The following COL4A2 variants were observed in gnomAD, a reference collection of about 807,000 sequenced individuals.
The protein encoded by COL4A2 is collagen alpha-2(IV) chain.
A neutral mutation model predicts 200.2 loss-of-function variants in COL4A2; 99 were observed. The observed-to-expected ratio is 0.49, with a 90% CI of 0.42 to 0.58. COL4A2 has a LOEUF of 0.58. COL4A2 is among the 20% of genes least tolerant of loss of function. COL4A2 has a pLI of 0.00. For synonymous variants in COL4A2, 897 were observed against 900.6 expected (o/e 1.00, Z 0.07); for missense variants, 1,950 against 2,314.1 (o/e 0.84, Z 3.23).
Position 110,500,662 on chromosome 13 carries a change from C to A in COL4A2, c.3761-1006C>A, listed in dbSNP as rs543029164. ...GAACACTGACTTAGTGAATACTGAA[C>A]CATTGCTCCTAGGGGAAATACAAGG... On this transcript the variant is annotated intron_variant, in intron 40 of 47. Coordinates refer to ENST00000360467, the MANE Select transcript of COL4A2 (RefSeq NM_001846.4). Among the ~76,000 whole-genome samples, 15 of 152,336 alleles carry A rather than the reference C, an allele frequency of 9.8e-5. No homozygotes were observed. The South Asian group carries it at 2.7e-3, about 27-fold the overall frequency.
chr13:110,504,154 G>C lies in COL4A2; in HGVS notation c.4292G>C (p.Arg1431Pro). ...CTTCTTTGGTGGCTTGCAGGTTTCC[G>C]TGGGGCTCCAGGGAAAGCTGGGCCC... The part of the protein sequence containing the change: ...PQGPPGEPGF[R>P]GAPGKAGPQG... Residue 1431 changes from arginine (R) to proline (P), a missense_variant, in exon 45 of 48, where the codon CGT becomes CCT. Transcript: ENST00000360467. 6.2e-7 allele frequency: 1 copy of C among 1,614,088 alleles called. No homozygotes were observed. Among genetic ancestry groups the C allele is most frequent in the Non-Finnish European group, 8.5e-7 (1 of 1,179,964 alleles).
chr13:110,507,433 C>G (rs1462267215), intron 46 of COL4A2: 1 of 162,498 alleles, frequency 6.2e-6, no homozygotes, highest in Admixed American at 5.7e-5. Context: ...TTTCAGCAAT[C>G]CATGTGAAGA....
chr13:110,440,645 A>G (rs753172850), intron 16 of COL4A2, among the ~76,000 whole-genome samples: 3 of 152,198 alleles, frequency 2.0e-5, no homozygotes, highest in Non-Finnish European at 4.4e-5. Context: ...TGTATTATGA[A>G]TCTAGGTCAG....
rs1336692495 is a variant in COL4A2, at chr13:110,482,556, G to A, written c.2799G>A (p.Met933Ile). Residue 933 changes from methionine (M) to isoleucine (I), a missense_variant, in exon 32 of 48, where the codon ATG (methionine) becomes ATA (isoleucine). Met to Ile is a conservative substitution (Grantham distance 10, BLOSUM62 1). Coordinates refer to ENST00000360467, the MANE Select transcript of COL4A2 (RefSeq NM_001846.4). ...CTGGGATGGATGGTTTCCAAGGCATGCCTGGACTCAAAGGGAGACCCGGGT... is the reference window on the plus strand; with the variant it reads ...CTGGGATGGATGGTTTCCAAGGCATACCTGGACTCAAAGGGAGACCCGGGT... ...GSPGMDGFQG[M>I]PGLKGRPGFP... The A allele has an allele frequency of 1.9e-6, 3 of 1,614,214 alleles. No individual in the cohort carries two copies. Among genetic ancestry groups the A allele is most frequent in the Non-Finnish European group, 1.7e-6 (2 of 1,180,026 alleles).
intron 17 of COL4A2, 43 bp downstream of exon 17, chr13:110,445,925 C>A: frequency 6.2e-7 from 1 of 1,610,798 alleles, no homozygotes; most frequent in East Asian, 2.2e-5. Flanking sequence ...GGTGTCTCGC[C>A]CACCCTGGCT....
At chr13:110,345,776 A>G (rs77589464) in intron 3 of COL4A2, among the ~76,000 whole-genome samples, 2,546 of 152,190 alleles carry the variant, frequency 0.017, 67 homozygotes, top group African/African-American at 0.059. Flanking sequence ...TGGTCCACTG[A>G]CACACCCCCA....
intron 14 of COL4A2, 143 bp from the exon 15 acceptor site, chr13:110,438,475 G>T (rs897474908): frequency 1.8e-6 from 2 of 1,116,712 alleles, no homozygotes; most frequent in Non-Finnish European, 2.7e-6. Flanking sequence ...CCTGCACTGC[G>T]CCTGAGTTGA....
At chr13:110,308,204 T>A in intron 3 of COL4A2, 81 bp downstream of exon 3, 1 of 1,500,898 alleles carries the variant, frequency 6.7e-7, no homozygotes, top group Non-Finnish European at 9.2e-7. Flanking sequence ...AGGCAGCTCG[T>A]CCGTGCGCTC....
chr13:110,470,853 C>T (rs959967331), intron 28 of COL4A2, among the ~76,000 whole-genome samples: 1 of 152,176 alleles, frequency 6.6e-6, no homozygotes, highest in African/African-American at 2.4e-5. Flanking sequence ...TGTGTTGCAG[C>T]CCGTAGGGAT....
chr13:110,399,272 T>C (rs1879289485), intron 4 of COL4A2, among the ~76,000 whole-genome samples: 1 of 152,170 alleles, frequency 6.6e-6, no homozygotes, highest in South Asian at 2.1e-4. Flanking sequence ...ATCTTGTTCC[T>C]CCCGTAAGCC....
At chr13:110,443,745 C>T (rs1475992667) in intron 16 of COL4A2, among the ~76,000 whole-genome samples, 3 of 152,122 alleles carry the variant, frequency 2.0e-5, no homozygotes, top group African/African-American at 4.8e-5. Flanking sequence ...TGCCTGGAAG[C>T]GGGGTCTCAG....
chr13:110,462,699 A>G (rs902036312), intron 24 of COL4A2, among the ~76,000 whole-genome samples: 1 of 152,130 alleles, frequency 6.6e-6, no homozygotes, highest in Admixed American at 6.5e-5. Flanking sequence ...GTGGAACCCT[A>G]TTTTTCCAAG....
At chr13:110,443,985 C>G (rs1881230540) in intron 16 of COL4A2, among the ~76,000 whole-genome samples, 1 of 152,174 alleles carries the variant, frequency 6.6e-6, no homozygotes, top group Non-Finnish European at 1.5e-5. Context: ...GCATTTTCTC[C>G]TTAAGTCGTG....
At chr13:110,464,183 C>T (rs1184899169) in intron 24 of COL4A2, among the ~76,000 whole-genome samples, 1 of 152,162 alleles carries the variant, frequency 6.6e-6, no homozygotes, top group Non-Finnish European at 1.5e-5. Flanking sequence ...TGCACCTGTC[C>T]AGCCATGGGG....
Position 110,307,856 on chromosome 13 carries a change from C to G in COL4A2, c.-44-4C>G, listed in dbSNP as rs771704002. 1 of 1,589,620 alleles carries G rather than the reference C, an allele frequency of 6.3e-7. No homozygotes were observed. The highest frequency in any genetic ancestry group is 8.6e-7 in the Non-Finnish European group (1 of 1,166,942). On this transcript the variant is annotated splice_region_variant and splice_polypyrimidine_tract_variant and intron_variant, in intron 1 of 47. Transcript: ENST00000360467. This position sits in a 1 kb window ranked among gnomAD's most constrained non-coding sequence, Gnocchi z 5.0. ...GCTAAACTCGCTTTGTCTGTCGCCT[C>G]TAGGCTAAGTGGGACTGACCGGGGC... is the stretch of plus-strand genomic sequence containing the variant.
rs1416995480 is a variant in COL4A2, at chr13:110,465,389, CTGAA to C, written c.1777-14_1777-11del. On this transcript the variant is annotated splice_polypyrimidine_tract_variant and intron_variant, in intron 24 of 47. Transcript: ENST00000360467. Reference sequence around the variant, plus strand: ...ATTAGTATATATTTTAAGAAATAAACTGAATTTTCACACAGGGTGATGGCATCAA... The same window carrying C: ...ATTAGTATATATTTTAAGAAATAAACTTTTCACACAGGGTGATGGCATCAA... 2 of 1,575,442 alleles carry C rather than the reference CTGAA, an allele frequency of 1.3e-6. No individual in the cohort carries two copies. Among genetic ancestry groups the C allele is most frequent in the South Asian group, 2.3e-5 (2 of 85,118 alleles).
At chr13:110,388,205 T>G (rs1258343141) in intron 4 of COL4A2, among the ~76,000 whole-genome samples, 4 of 152,204 alleles carry the variant, frequency 2.6e-5, no homozygotes, top group Admixed American at 2.6e-4. Flanking sequence ...CAAGGCTTAA[T>G]AACAGCCCCT....
chr13:110,329,065 C>G (rs1875778596), intron 3 of COL4A2, among the ~76,000 whole-genome samples: 1 of 152,124 alleles, frequency 6.6e-6, no homozygotes, highest in Admixed American at 6.5e-5. Context: ...TCTATTTTAG[C>G]ACAATGTGTT....
chr13:110,464,986 C>T (rs990709114), intron 24 of COL4A2, among the ~76,000 whole-genome samples: 4 of 152,226 alleles, frequency 2.6e-5, no homozygotes, highest in Non-Finnish European at 2.9e-5. Flanking sequence ...GCTTCCTTTC[C>T]TTTAACAACG....
Sources: gnomAD v4.1 joint callset for allele counts (sites outside exome capture counted in the v4.1 genomes callset) on GRCh38, gnomAD v4.1.1 for gene constraint, Gnocchi (gnomAD v3.1) non-coding constraint, MANE v1.5 for transcripts, NCBI Gene and HGNC (gene_info 2026-07-23, HGNC 2026-07-21) for gene names.